The following WDR55 variants were observed in gnomAD, a reference collection of about 807,000 sequenced individuals.
WDR55 encodes WD repeat-containing protein 55.
Under a neutral mutation model 34.0 loss-of-function variants are expected in WDR55, and 31 were observed. That is an observed-to-expected ratio of 0.91 (90% CI 0.69 to 1.23). The LOEUF (loss-of-function observed/expected upper bound fraction) is 1.23. Among genes scored for constraint, WDR55 ranks in the 50% most tolerant of loss-of-function variants. The pLI, the probability that WDR55 is intolerant of heterozygous loss-of-function variation, is 0.00. For synonymous variants in WDR55, 164 were observed against 185.9 expected, an observed-to-expected ratio of 0.88 and a Z score of 0.96; for missense variants, 440 against 494.6, an observed-to-expected ratio of 0.89 and a Z score of 1.05.
chr5:140,669,326 T>G lies in WDR55; in HGVS notation c.831-7T>G. 6.2e-7 allele frequency: 1 copy of G among 1,609,940 alleles called. No individual in the cohort carries two copies. The highest frequency in any genetic ancestry group is 8.5e-7 in the Non-Finnish European group (1 of 1,176,740). On this transcript the variant is annotated splice_region_variant and splice_polypyrimidine_tract_variant and intron_variant, in intron 6 of 6. Transcript: ENST00000358337. ...CCAGTACTCAACACTGTTCTTTCCC[T>G]GCCCAGGGCTGTGAACATCCTACCG...
Position 140,670,928 on chromosome 5 carries a change from C to A in WDR55, c.*1274C>A, listed in dbSNP as rs111716569. 1,347 of 308,268 alleles carry A rather than the reference C, an allele frequency of 4.4e-3. 19 individuals are homozygous for A. The highest frequency in any genetic ancestry group is 0.027 in the African/African-American group (1,274 of 46,594). The allele number at this position is 308,268 out of a possible 1,614,324, so 19.1% of individuals were successfully genotyped here. ...TGACCCCTTTGGCTCAGCTGCCCTT[C>A]CCCACAAATAAAAACCAACAAAGAG... On this transcript the variant is annotated 3_prime_UTR_variant, in exon 7 of 7. Coordinates refer to ENST00000358337, the MANE Select transcript of WDR55 (RefSeq NM_017706.5).
Position 140,669,196 on chromosome 5 carries a change from G to C in WDR55, c.778G>C (p.Val260Leu), listed in dbSNP as rs1433012098. ...ALRAESIDCM[V>L]PVTESLLCTG... ...GAGAGCTGAATCTATCGACTGCATG[G>C]TTCCAGTCACCGAGAGTCTGCTGTG... The change falls in exon 6 of 7, where the codon GTT becomes CTT. Residue 260 changes from valine to leucine, a missense_variant. Transcript: ENST00000358337. 2 of 1,613,980 alleles carry C rather than the reference G, an allele frequency of 1.2e-6. No homozygotes were observed. The highest frequency in any genetic ancestry group is 3.3e-5 in the Admixed American group (2 of 60,026).
In WDR55 at chr5:140,669,641, A is replaced by G. The variant is rs768216140; in HGVS notation, c.1139A>G (p.Asp380Gly). The G allele has an allele frequency of 2.5e-6, 4 of 1,612,760 alleles. No individual in the cohort carries two copies. In the African/African-American group the frequency reaches 5.3e-5, roughly 22 times the overall value. ...CAGGAAGAAAAGGAGGAGACTGGGG[A>G]TGACAGTGACTGAAGGAATGAATTG... The part of the protein sequence containing the change: ...MAQEEKEETG[D>G]DSD The change falls in exon 7 of 7, where the codon GAT (aspartate) becomes GGT (glycine). Residue 380 changes from aspartate to glycine, a missense_variant. Coordinates refer to ENST00000358337, the MANE Select transcript of WDR55 (RefSeq NM_017706.5).
chr5:140,665,799 G>T (rs1757908435), intron 1 of WDR55, among the ~76,000 whole-genome samples: 1 of 151,926 alleles, frequency 6.6e-6, no homozygotes, highest in Non-Finnish European at 1.5e-5. Context: ...GTTGGAGCTC[G>T]AGACCAGCCT....
At chr5:140,668,203 G>A (rs754627955) in intron 1 of WDR55, 31 bp from the exon 2 acceptor site, 2 of 1,562,742 alleles carry the variant, frequency 1.3e-6, no homozygotes, top group African/African-American at 2.7e-5. Flanking sequence ...GCTGGGTCTG[G>A]AGTCATTTAC....
chr5:140,666,164 A>T (rs541387552), intron 1 of WDR55, among the ~76,000 whole-genome samples: 59 of 152,232 alleles, frequency 3.9e-4, no homozygotes, highest in Middle Eastern at 6.8e-3. Context: ...TGGGAGACCA[A>T]GGTGGGGTAT....
In WDR55 at chr5:140,668,764, C is replaced by G; in HGVS notation, c.533C>G (p.Pro178Arg). The change falls in exon 4 of 7, where the codon CCA (proline) becomes CGA (arginine). Residue 178 changes from proline to arginine, a missense_variant. Physicochemically the swap from Pro to Arg is moderately radical, Grantham distance 103 (BLOSUM62 -2). Transcript: ENST00000358337. Reference protein sequence around the residue: ...EEYIADMALDPAKKLLLTASG... With the variant: ...EEYIADMALDRAKKLLLTASG... ...TACATCGCAGACATGGCTCTGGATC[C>G]AGCCAAAAAGCTGCTGCTGACAGCC... The G allele has an allele frequency of 1.9e-6, 3 of 1,613,874 alleles. No homozygotes were observed. Among genetic ancestry groups the G allele is most frequent in the Non-Finnish European group, 2.5e-6 (3 of 1,179,892 alleles).
rs1184697580 is a variant in WDR55, at chr5:140,671,635, G to A, written c.*1981G>A. The A allele has an allele frequency of 6.3e-7, 1 of 1,577,400 alleles. No individual in the cohort carries two copies. The highest frequency in any genetic ancestry group is 1.2e-5 in the South Asian group (1 of 86,390). On this transcript the variant is annotated 3_prime_UTR_variant, in exon 7 of 7. Transcript: ENST00000358337. ...TGTCCCTTGCCAAAGCCAACTGGCTGCCCTCTGGCTGTGGGGACCGCAAGA... is the reference window on the plus strand; with the variant it reads ...TGTCCCTTGCCAAAGCCAACTGGCTACCCTCTGGCTGTGGGGACCGCAAGA...
chr5:140,671,440 G>T lies in WDR55; in HGVS notation c.*1786G>T. 6.2e-7 allele frequency: 1 copy of T among 1,611,762 alleles called. No individual in the cohort carries two copies. The highest frequency in any genetic ancestry group is 2.2e-5 in the East Asian group (1 of 44,884). On this transcript the variant is annotated 3_prime_UTR_variant, in exon 7 of 7. Coordinates refer to ENST00000358337, the MANE Select transcript of WDR55 (RefSeq NM_017706.5). ...GGCCATCTAGGGTCAGCACAACCCA[G>T]ATGAGGCCGCTGAAGGGCACCGGAT...
In WDR55 at chr5:140,669,390, G is replaced by A. The variant is rs1758013336; in HGVS notation, c.888G>A (p.Glu296=). The change falls in exon 7 of 7, where the codon GAG becomes GAA. Residue 296 remains glutamate, a synonymous_variant. Transcript: ENST00000358337. ...GCAGTGTGGGCCAGCACACTGGGGA[G>A]CCTGTGGAGGAGCTGGCCCTCTCCC... ...VVGSVGQHTG[E]PVEELALSHC... is the part of the protein sequence containing the mutation. The A allele has an allele frequency of 6.2e-7, 1 of 1,613,934 alleles. No homozygotes were observed. The highest frequency in any genetic ancestry group is 1.3e-5 in the African/African-American group (1 of 74,934).
chr5:140,671,835 C>G lies in WDR55; in HGVS notation c.*2181C>G. The stretch of plus-strand genomic sequence containing the variant: ...GTGAGCCCTTTGGAGCTACACAGTC[C>G]TGTTATTTGTAGCCTTCCCATTTCC... On this transcript the variant is annotated 3_prime_UTR_variant, in exon 7 of 7. Transcript: ENST00000358337. 2 of 1,424,444 alleles carry G rather than the reference C, an allele frequency of 1.4e-6. No individual in the cohort carries two copies. The highest frequency in any genetic ancestry group is 1.9e-6 in the Non-Finnish European group (2 of 1,032,836). 88.2% of individuals were successfully genotyped at this position (1,424,444 alleles called of 1,614,324 possible). A position where few individuals can be genotyped will look rare whatever the true frequency, so the allele number is the denominator to read the frequency against.
In WDR55 at chr5:140,671,705, T is replaced by C. The variant is rs774939347; in HGVS notation, c.*2051T>C. On this transcript the variant is annotated 3_prime_UTR_variant, in exon 7 of 7. Coordinates refer to ENST00000358337, the MANE Select transcript of WDR55 (RefSeq NM_017706.5). ...GCGAAGTCGCTGCTTCAGGTCTGGC[T>C]TGAGCCACTCCACAGCCACCTGCTC... 20 of 1,585,050 alleles carry C rather than the reference T, an allele frequency of 1.3e-5. No individual in the cohort carries two copies. Among genetic ancestry groups the C allele is most frequent in the African/African-American group, 2.7e-5 (2 of 74,614 alleles).
rs377745187 is a variant in WDR55, at chr5:140,668,463, A to G, written c.341A>G (p.Glu114Gly). Residue 114 changes from glutamate to glycine, a missense_variant, in exon 3 of 7, where the codon GAG becomes GGG. Physicochemically the swap from Glu to Gly is moderately conservative, Grantham distance 98 (BLOSUM62 -2). Coordinates refer to ENST00000358337, the MANE Select transcript of WDR55 (RefSeq NM_017706.5). ...KDKAIHVLDVEQGQLERRVSK... is the reference protein window; with the variant it reads ...KDKAIHVLDVGQGQLERRVSK... ...AAAGCCATCCATGTTCTAGATGTGG[A>G]GCAGGGCCAACTGGAAAGACGTGTT... is the stretch of plus-strand genomic sequence containing the variant. 1 of 1,614,202 alleles carries G rather than the reference A, an allele frequency of 6.2e-7. No homozygotes were observed. Among genetic ancestry groups the G allele is most frequent in the Non-Finnish European group, 8.5e-7 (1 of 1,180,038 alleles).
rs566898193 is a variant in WDR55 at position 140,670,675 on chromosome 5, G to C, written c.*1021G>C. The stretch of plus-strand genomic sequence containing the variant: ...GGATATGAATTTATAATACCCTACA[G>C]TGCAACACAAGAAGATGCACTCAAA... On this transcript the variant is annotated 3_prime_UTR_variant, in exon 7 of 7. Coordinates refer to ENST00000358337, the MANE Select transcript of WDR55 (RefSeq NM_017706.5). 2.5e-5 allele frequency: 4 copies of C among 162,684 alleles called. No homozygotes were observed. The South Asian group carries it at 6.6e-4, about 27-fold the overall frequency. The allele number at this position is 162,684 out of a possible 1,614,324, so 10.1% of individuals were successfully genotyped here. A position where few individuals can be genotyped will look rare whatever the true frequency, so the allele number is the denominator to read the frequency against.
rs755185671 is a variant in WDR55 at position 140,669,599 on chromosome 5, G to T, written c.1097G>T (p.Gly366Val). ...DDFFAGLREEGEDSMAQEEKE... is the reference protein window; with the variant it reads ...DDFFAGLREEVEDSMAQEEKE... ...TTCTTCGCAGGACTGAGGGAAGAGG[G>T]AGAAGACTCCATGGCTCAGGAAGAA... The change falls in exon 7 of 7, where the codon GGA (glycine) becomes GTA (valine). Residue 366 changes from glycine to valine, a missense_variant. Gly to Val is a moderately radical substitution (Grantham distance 109, BLOSUM62 -3). Transcript: ENST00000358337. 3.3e-5 allele frequency: 54 copies of T among 1,614,044 alleles called. No individual in the cohort carries two copies. The South Asian group carries it at 5.8e-4, about 17-fold the overall frequency.
In WDR55 at chr5:140,668,647, A is replaced by G; in HGVS notation, c.416A>G (p.Asn139Ser). The change falls in exon 4 of 7, where the codon AAT becomes AGT. Residue 139 changes from asparagine to serine, a missense_variant. By Grantham distance (46) the Asn-to-Ser change is conservative (BLOSUM62 1). Transcript: ENST00000358337. The stretch of plus-strand genomic sequence containing the variant: ...AATAGTCTTCTGCTGGTGGATGAGA[A>G]TGTTCTGGCCACTGGGGATGACACA... ...PINSLLLVDE[N>S]VLATGDDTGG... 6.2e-7 allele frequency: 1 copy of G among 1,614,010 alleles called. No individual in the cohort carries two copies. Among genetic ancestry groups the G allele is most frequent in the South Asian group, 1.1e-5 (1 of 91,064 alleles).
chr5:140,671,791 G>T lies in WDR55; in HGVS notation c.*2137G>T. The T allele has an allele frequency of 6.5e-7, 1 of 1,550,364 alleles. No homozygotes were observed. The highest frequency in any genetic ancestry group is 8.7e-7 in the Non-Finnish European group (1 of 1,145,748). On this transcript the variant is annotated 3_prime_UTR_variant, in exon 7 of 7. Coordinates refer to ENST00000358337, the MANE Select transcript of WDR55 (RefSeq NM_017706.5). ...AAAGACAAGGGCAGGTCTAAACCCT[G>T]GGCCCAAGCCTCCAGGTGGTGAGCC...
At position 140,672,037 on chromosome 5, in the gene WDR55, AAGTC is replaced by A. The variant is rs570489655; in HGVS notation, c.*2391_*2394del. 4,762 of 572,884 alleles carry A rather than the reference AAGTC, an allele frequency of 8.3e-3. 31 individuals carry two copies. Among genetic ancestry groups the A allele is most frequent in the Non-Finnish European group, 0.011 (3,660 of 320,790 alleles). 35.5% of individuals were successfully genotyped at this position (572,884 alleles called of 1,614,324 possible). A position where few individuals can be genotyped will look rare whatever the true frequency, so the allele number is the denominator to read the frequency against. On this transcript the variant is annotated 3_prime_UTR_variant, in exon 7 of 7. Coordinates refer to ENST00000358337, the MANE Select transcript of WDR55 (RefSeq NM_017706.5). ...AATCTTTACTGGGAAAACTTGCTGT[AAGTC>A]AGTCAGTGTGCTAAGTACCGTACAC...
intron 5 of WDR55, 22 bp downstream of exon 5, chr5:140,669,012 T>C: frequency 6.2e-7 from 1 of 1,614,056 alleles, no homozygotes; most frequent in South Asian, 1.1e-5. Flanking sequence ...TATGGTGGGA[T>C]GGAGGGGTGT....
Sources: gnomAD v4.1 joint callset for allele counts (sites outside exome capture counted in the v4.1 genomes callset) on GRCh38, gnomAD v4.1.1 for gene constraint, MANE v1.5 for transcripts, NCBI Gene and HGNC (gene_info 2026-07-23, HGNC 2026-07-21) for gene names.